NLGN4Y: variants seen among roughly 807,000 people sequenced by gnomAD.
NLGN4Y encodes the protein neuroligin 4 Y-linked, also known as neuroligin-4, Y-linked.
In NLGN4Y, 4 loss-of-function variants were observed where a neutral mutation model predicts 8.4. The observed-to-expected ratio is 0.48, with a 90% CI of 0.23 to 1.09. The LOEUF (loss-of-function observed/expected upper bound fraction) is 1.09, where lower values mean the gene tolerates loss of function less well. Ranked by LOEUF, NLGN4Y falls within the 50% of genes least tolerant of loss-of-function variation. The pLI is 0.19. For missense variants in NLGN4Y, 90 were observed against 192.3 expected, an observed-to-expected ratio of 0.47 and a Z score of 3.15; for synonymous variants, 35 against 75.6, an observed-to-expected ratio of 0.46 and a Z score of 2.78.
At chrY:14,695,723 G>A (rs2080825490) in intron 2 of NLGN4Y, among the ~76,000 whole-genome samples, 1 of 33,103 alleles carries the variant, frequency 3.0e-5, no homozygotes, top group Non-Finnish European at 7.4e-5. Context: ...CTGCATATTT[G>A]ATTACTGCAA....
intron 4 of NLGN4Y, among the ~76,000 whole-genome samples, chrY:14,751,318 A>G (rs2081040456): frequency 5.9e-5 from 2 of 33,625 alleles, no homozygotes. Flanking sequence ...GCTGGTTCAA[A>G]TCTTCAACTA....
intron 4 of NLGN4Y, among the ~76,000 whole-genome samples, chrY:14,812,040 A>G: frequency 3.0e-5 from 1 of 33,695 alleles, no homozygotes; most frequent in African/African-American, 1.2e-4. Flanking sequence ...ACAGTTTCAC[A>G]TCGATGGGGA....
chrY:14,629,291 A>G, intron 2 of NLGN4Y, among the ~76,000 whole-genome samples: 4 of 34,131 alleles, frequency 1.2e-4, no homozygotes, highest in Admixed American at 1.1e-3. Context: ...GATATAATTT[A>G]TAGCACGGTT....
At chrY:14,654,507 T>G in intron 2 of NLGN4Y, among the ~76,000 whole-genome samples, 1 of 32,804 alleles carries the variant, frequency 3.0e-5, no homozygotes, top group African/African-American at 1.2e-4. Context: ...TTTTTAAACT[T>G]TAACTTTTTT....
chrY:14,834,871 A>C (rs2043192027), intron 6 of NLGN4Y, among the ~76,000 whole-genome samples: 1 of 34,176 alleles, frequency 2.9e-5, no homozygotes, highest in Non-Finnish European at 7.3e-5. Context: ...ACACACTCAG[A>C]CAATGACTCA....
At chrY:14,703,127 T>C (rs2080860925) in intron 2 of NLGN4Y, among the ~76,000 whole-genome samples, 1 of 33,259 alleles carries the variant, frequency 3.0e-5, no homozygotes. Context: ...TTCACTCTGA[T>C]GGTAGTTTGT....
intron 2 of NLGN4Y, chrY:14,640,194 G>A (rs758465506): frequency 8.4e-6 from 1 of 119,395 alleles, no homozygotes; most frequent in African/African-American, 9.8e-5. Context: ...GTGTCTCCAA[G>A]CCAGCCAGTG....
chrY:14,707,087 A>G (rs1603503022), intron 2 of NLGN4Y, among the ~76,000 whole-genome samples: 1 of 7,402 alleles, frequency 1.4e-4, no homozygotes, highest in Non-Finnish European at 2.7e-4. Flanking sequence ...AGTCAATTTT[A>G]TGTGTATATA....
chrY:14,725,927 G>T (rs954719450), intron 4 of NLGN4Y, among the ~76,000 whole-genome samples: 1 of 33,341 alleles, frequency 3.0e-5, no homozygotes, highest in African/African-American at 1.2e-4. Context: ...CAAACAAGTT[G>T]GGTGTTTTAG....
At chrY:14,803,266 T>C (rs2043044656) in intron 4 of NLGN4Y, among the ~76,000 whole-genome samples, 1 of 26,355 alleles carries the variant, frequency 3.8e-5, no homozygotes, top group Non-Finnish European at 8.2e-5. Context: ...ATAATAAGTA[T>C]ATATACTTAA....
intron 1 of NLGN4Y, among the ~76,000 whole-genome samples, chrY:14,547,794 C>T (rs763314226): frequency 4.2e-4 from 14 of 33,103 alleles, no homozygotes; most frequent in Admixed American, 1.9e-3. Context: ...ATTAGTGGTG[C>T]GAGTTGAGAT....
intron 1 of NLGN4Y, among the ~76,000 whole-genome samples, chrY:14,589,063 G>C: frequency 1.2e-4 from 4 of 32,684 alleles, no homozygotes; most frequent in Admixed American, 8.2e-4. Context: ...AAAGAGCAAA[G>C]CTTCCACAGT....
chrY:14,650,342 C>T, intron 2 of NLGN4Y, among the ~76,000 whole-genome samples: 1 of 33,380 alleles, frequency 3.0e-5, no homozygotes, highest in Non-Finnish European at 7.4e-5. Context: ...AAACTCACCA[C>T]TCTGAGTTTT....
intron 1 of NLGN4Y, among the ~76,000 whole-genome samples, chrY:14,615,153 C>T (rs2080483977): frequency 6.0e-5 from 2 of 33,247 alleles, no homozygotes; most frequent in African/African-American, 2.4e-4. Flanking sequence ...AGGTCCTTCA[C>T]ATCCCTTTTA....
intron 4 of NLGN4Y, among the ~76,000 whole-genome samples, chrY:14,806,933 T>C: frequency 3.0e-5 from 1 of 33,357 alleles, no homozygotes; most frequent in Non-Finnish European, 7.4e-5. Flanking sequence ...GTAAGAAAAG[T>C]TGCTGTCTTC....
At chrY:14,796,572 A>T in intron 4 of NLGN4Y, among the ~76,000 whole-genome samples, 1 of 23,828 alleles carries the variant, frequency 4.2e-5, no homozygotes, top group East Asian at 1.0e-3. Context: ...GGCTCCATCT[A>T]AAAAAAAAAA....
chrY:14,644,665 C>A, intron 2 of NLGN4Y, among the ~76,000 whole-genome samples: 3 of 32,925 alleles, frequency 9.1e-5, no homozygotes, highest in African/African-American at 3.6e-4. Flanking sequence ...GGGGGTCTGA[C>A]CTCCTTTTAG....
intron 4 of NLGN4Y, among the ~76,000 whole-genome samples, chrY:14,754,316 G>T (rs2081050863): frequency 3.0e-5 from 1 of 33,143 alleles, no homozygotes; most frequent in African/African-American, 1.2e-4. Flanking sequence ...AGAGGTTGCT[G>T]TGAGCCAAGA....
At chrY:14,782,082 A>C (rs762059688) in intron 4 of NLGN4Y, among the ~76,000 whole-genome samples, 2 of 33,204 alleles carry the variant, frequency 6.0e-5, no homozygotes, top group Non-Finnish European at 1.5e-4. Flanking sequence ...TTGTCCCTGG[A>C]AGGTTTCATC....
Sources: gnomAD v4.1 joint callset for allele counts (sites outside exome capture counted in the v4.1 genomes callset) on GRCh38, gnomAD v4.1.1 for gene constraint, MANE v1.5 for transcripts, NCBI Gene and HGNC (gene_info 2026-07-23, HGNC 2026-07-21) for gene names.